The following FBLIM1 variants were observed in gnomAD, a reference collection of about 807,000 sequenced individuals.
FBLIM1 encodes the protein filamin-binding LIM protein 1.
FBLIM1 carries 29 observed loss-of-function variants against 37.4 expected under a neutral mutation model. The ratio of observed to expected loss-of-function variants is 0.77; its 90% confidence interval spans 0.58 to 1.06. The LOEUF is 1.06. FBLIM1 is among the 50% of genes least tolerant of loss of function. FBLIM1 has a pLI of 0.00. For synonymous variants in FBLIM1, 193 were observed against 199.0 expected (o/e 0.97, Z 0.25); for missense variants, 449 against 505.6 (o/e 0.89, Z 1.07).
chr1:15,782,658 T>C (rs1387567193), intron 8 of FBLIM1, among the ~76,000 whole-genome samples: 1 of 152,080 alleles, frequency 6.6e-6, no homozygotes, highest in Non-Finnish European at 1.5e-5. Context: ...GTATAGCCCA[T>C]GGTCTACTTG....
At chr1:15,781,722 T>TG (rs1338521173) in intron 8 of FBLIM1, among the ~76,000 whole-genome samples, 1 of 145,908 alleles carries the variant, frequency 6.9e-6, no homozygotes, top group Non-Finnish European at 1.5e-5. Flanking sequence ...AGTATTGTTT[T>TG]TTTTTTTTTT....
chr1:15,766,776 A>T (rs1403442407), intron 3 of FBLIM1, among the ~76,000 whole-genome samples: 1 of 151,118 alleles, frequency 6.6e-6, no homozygotes, highest in Non-Finnish European at 1.5e-5. Context: ...TGTTTTTCGT[A>T]GAGATGGGGT....
Position 15,774,750 on chromosome 1 carries a change from G to A in FBLIM1, c.844G>A (p.Ala282Thr), listed in dbSNP as rs370443454. The A allele has an allele frequency of 6.2e-7, 1 of 1,614,158 alleles. No homozygotes were observed. Among genetic ancestry groups the A allele is most frequent in the Non-Finnish European group, 8.5e-7 (1 of 1,180,026 alleles). ...CCGGTGCATTGGGGATGAGAGCTTT[G>A]CCCTGGGCAGCCAGAACGAGGTGTA... The part of the protein sequence containing the change: ...CARCIGDESF[A>T]LGSQNEVYCL... The change falls in exon 7 of 9, where the codon GCC becomes ACC. Residue 282 changes from alanine to threonine, a missense_variant. Transcript: ENST00000375766.
intron 8 of FBLIM1, among the ~76,000 whole-genome samples, chr1:15,781,762 AGGCTGGAGTGCAGT>A (rs1252835819): frequency 8.0e-6 from 1 of 125,378 alleles, no homozygotes; most frequent in Non-Finnish European, 1.6e-5. Flanking sequence ...TCTGTCGCCC[AGGCTGGAGTGCAGT>A]GGTGCAATCT....
chr1:15,766,103 AT>A (rs376175963), intron 3 of FBLIM1, among the ~76,000 whole-genome samples: 40 of 146,506 alleles, frequency 2.7e-4, no homozygotes, highest in South Asian at 6.4e-4. Context: ...GAGAATTTGC[AT>A]TTTTTTTTTT....
chr1:15,780,060 A>T (rs1199136122), intron 8 of FBLIM1, among the ~76,000 whole-genome samples: 1 of 151,102 alleles, frequency 6.6e-6, no homozygotes, highest in Non-Finnish European at 1.5e-5. Flanking sequence ...TTTTATTTTT[A>T]AAATTTTTGT....
At position 15,783,811 on chromosome 1, in the gene FBLIM1, T is replaced by A. The variant is rs181333598; in HGVS notation, c.1009-737T>A. Among the ~76,000 whole-genome samples the A allele has an allele frequency of 1.9e-4, 29 of 152,102 alleles. No individual in the cohort carries two copies. The East Asian group carries it at 3.9e-3, about 20-fold the overall frequency. On this transcript the variant is annotated intron_variant, in intron 8 of 8. Transcript: ENST00000375766. ...GTTAGCCAGGATGGTCTCTATCTCC[T>A]GACCCTGTGATCCGCCCGCCTCAGC...
At chr1:15,775,018 A>G in intron 7 of FBLIM1, 2 of 888,612 alleles carry the variant, frequency 2.3e-6, no homozygotes, top group South Asian at 3.6e-5. Context: ...GGAGATCGAG[A>G]TCATCCTGGC....
chr1:15,760,627 A>G (rs556323138), intron 1 of FBLIM1, among the ~76,000 whole-genome samples: 1 of 144,494 alleles, frequency 6.9e-6, no homozygotes, highest in South Asian at 2.3e-4. Flanking sequence ...AGTAGGAAGG[A>G]GGACTGTGGG....
intron 1 of FBLIM1, among the ~76,000 whole-genome samples, chr1:15,762,342 C>T (rs1047446401): frequency 2.0e-5 from 3 of 150,306 alleles, no homozygotes; most frequent in African/African-American, 7.4e-5. Flanking sequence ...CGGCTTACTG[C>T]AACCTCCGCC....
rs1377113819 is a variant in FBLIM1 at position 15,765,969 on chromosome 1, A to C, written c.250+736A>C. ...GAGCTCATCGGAGCCTCTTTCTCTC[A>C]CTTCCGCTGAGTCAGCAGCAGCATC... On this transcript the variant is annotated intron_variant, in intron 3 of 8. Transcript: ENST00000375766. This position sits in a 1 kb window ranked among gnomAD's most constrained non-coding sequence, Gnocchi z 5.9. 6.6e-6 allele frequency among the ~76,000 whole-genome samples: 1 copy of C among 151,860 alleles called. No homozygotes were observed. Among genetic ancestry groups the C allele is most frequent in the East Asian group, 1.9e-4 (1 of 5,180 alleles).
intron 8 of FBLIM1, among the ~76,000 whole-genome samples, chr1:15,782,963 T>G (rs962871967): frequency 1.3e-5 from 2 of 151,986 alleles, no homozygotes; most frequent in Admixed American, 6.6e-5. Flanking sequence ...GCCCGGCTAA[T>G]TTTTATATTT....
chr1:15,768,529 C>T lies in FBLIM1; in HGVS notation c.440C>T (p.Ala147Val). Residue 147 changes from alanine (A) to valine (V), a missense_variant and splice_region_variant, in exon 5 of 9, where the codon GCC (alanine) becomes GTC (valine). Coordinates refer to ENST00000375766, the MANE Select transcript of FBLIM1 (RefSeq NM_017556.4). ...GACTCCCCGTCTGCATCCCCACAGG[C>T]CCCAGCGGAGGGACCTTCAGTCCAG... ...HLSPPPPPPQAPAEGPSVQPG... is the reference protein window; with the variant it reads ...HLSPPPPPPQVPAEGPSVQPG... 2 of 1,573,924 alleles carry T rather than the reference C, an allele frequency of 1.3e-6. No homozygotes were observed. The highest frequency in any genetic ancestry group is 1.2e-5 in the South Asian group (1 of 83,940).
intron 8 of FBLIM1, among the ~76,000 whole-genome samples, chr1:15,782,285 G>C (rs1222134757): frequency 6.6e-6 from 1 of 151,844 alleles, no homozygotes; most frequent in Non-Finnish European, 1.5e-5. Context: ...GTACCTGTCT[G>C]TAGTTCCAGC....
Position 15,784,817 on chromosome 1 carries a change from TGA to T in FBLIM1, c.*158_*159del. On this transcript the variant is annotated 3_prime_UTR_variant, in exon 9 of 9. Transcript: ENST00000375766. ...CAGCCTGTCCAGGATACAGTGGGGCTGAGCACCCCCAGGCCTTCCACTCCTCT... is the reference window on the plus strand; with the variant it reads ...CAGCCTGTCCAGGATACAGTGGGGCTGCACCCCCAGGCCTTCCACTCCTCT... 1 of 582,506 alleles carries T rather than the reference TGA, an allele frequency of 1.7e-6. No individual in the cohort carries two copies. The highest frequency in any genetic ancestry group is 3.0e-6 in the Non-Finnish European group (1 of 328,854). 36.1% of individuals were successfully genotyped at this position (582,506 alleles called of 1,614,324 possible). A position where few individuals can be genotyped will look rare whatever the true frequency, so the allele number is the denominator to read the frequency against.
At chr1:15,775,052 A>G (rs1453767917) in intron 7 of FBLIM1, 9 of 695,264 alleles carry the variant, frequency 1.3e-5, no homozygotes, top group African/African-American at 1.1e-4. Context: ...CCCCGTCTCT[A>G]CTAAAAATAC....
chr1:15,777,887 G>C (rs2069540091), intron 8 of FBLIM1, among the ~76,000 whole-genome samples: 1 of 151,936 alleles, frequency 6.6e-6, no homozygotes, highest in Non-Finnish European at 1.5e-5. Flanking sequence ...TCCATCTCTT[G>C]GCTCTCCCTT....
At chr1:15,761,669 T>C (rs2068678855) in intron 1 of FBLIM1, among the ~76,000 whole-genome samples, 1 of 152,238 alleles carries the variant, frequency 6.6e-6, no homozygotes, top group South Asian at 2.1e-4. Flanking sequence ...ACAAGTACTT[T>C]AAAATAAGTT....
intron 7 of FBLIM1, among the ~76,000 whole-genome samples, chr1:15,775,603 G>A (rs1433187794): frequency 6.6e-6 from 1 of 151,860 alleles, no homozygotes; most frequent in African/African-American, 2.4e-5. Context: ...CCTAGGATGA[G>A]GTCTAGGGGA....
Sources: gnomAD v4.1 joint callset for allele counts (sites outside exome capture counted in the v4.1 genomes callset) on GRCh38, gnomAD v4.1.1 for gene constraint, Gnocchi (gnomAD v3.1) non-coding constraint, MANE v1.5 for transcripts, NCBI Gene and HGNC (gene_info 2026-07-23, HGNC 2026-07-21) for gene names.